Variants in RBFOX1 observed in about 807,000 individuals in gnomAD.
RBFOX1 encodes RNA binding protein fox-1 homolog 1.
A neutral mutation model predicts 57.7 loss-of-function variants in RBFOX1; 8 were observed. The ratio of observed to expected loss-of-function variants is 0.14; its 90% CI spans 0.08 to 0.25. The LOEUF (loss-of-function observed/expected upper bound fraction) is 0.25. Ranked by LOEUF, RBFOX1 falls within the 10% of genes least tolerant of loss-of-function variation. RBFOX1 has a pLI of 1.00. For missense variants in RBFOX1, 611 were observed against 548.5 expected (o/e 1.11, Z -1.14); for synonymous variants, 326 against 222.4 (o/e 1.47, Z -4.15).
intron 4 of RBFOX1, among the ~76,000 whole-genome samples, chr16:5,954,140 G>T (rs2059577621): frequency 6.6e-6 from 1 of 152,192 alleles, no homozygotes; most frequent in Admixed American, 6.5e-5. Context: ...CTGAGGTTGA[G>T]AACCTCTTCC....
intron 2 of RBFOX1, among the ~76,000 whole-genome samples, chr16:6,419,627 C>T (rs1168465351): frequency 6.6e-6 from 1 of 152,138 alleles, no homozygotes; most frequent in African/African-American, 2.4e-5. Flanking sequence ...GAGATGCTTC[C>T]CTGCGTGGTG....
intron 5 of RBFOX1, among the ~76,000 whole-genome samples, chr16:7,549,956 G>T (rs1472694692): frequency 6.6e-6 from 1 of 151,998 alleles, no homozygotes; most frequent in African/African-American, 2.4e-5. Flanking sequence ...TAGAGACAGG[G>T]TTTTACTCTG....
At chr16:7,158,465 A>G (rs536651933) in intron 4 of RBFOX1, among the ~76,000 whole-genome samples, 3 of 152,110 alleles carry the variant, frequency 2.0e-5, no homozygotes, top group Non-Finnish European at 2.9e-5. Context: ...CAATCTCCTG[A>G]CCTTTTTCAG....
chr16:6,201,612 G>C (rs941238089), intron 1 of RBFOX1, among the ~76,000 whole-genome samples: 1 of 152,072 alleles, frequency 6.6e-6, no homozygotes. Flanking sequence ...TGTCATAATA[G>C]GGTGAGTATA....
intron 2 of RBFOX1, among the ~76,000 whole-genome samples, chr16:6,331,827 T>C (rs1316060202): frequency 6.6e-6 from 1 of 152,080 alleles, no homozygotes; most frequent in African/African-American, 2.4e-5. Flanking sequence ...AAATAGTTTC[T>C]TCTTCCCCTA....
At chr16:6,749,948 T>A (rs960281370) in intron 3 of RBFOX1, among the ~76,000 whole-genome samples, 1 of 152,162 alleles carries the variant, frequency 6.6e-6, no homozygotes, top group Non-Finnish European at 1.5e-5. Context: ...GTGTTCAGAG[T>A]TAGTAGGCAC....
intron 4 of RBFOX1, among the ~76,000 whole-genome samples, chr16:5,923,288 G>A (rs945488835): frequency 6.6e-6 from 1 of 152,140 alleles, no homozygotes; most frequent in African/African-American, 2.4e-5. Context: ...AGAATGCTAT[G>A]GCTGTGTGAT....
At chr16:7,695,924 T>C (rs376898329) in intron 14 of RBFOX1, among the ~76,000 whole-genome samples, 3 of 152,266 alleles carry the variant, frequency 2.0e-5, no homozygotes, top group South Asian at 4.2e-4. Flanking sequence ...TTGATGCCCA[T>C]GGTGGATGGG....
chr16:7,029,342 T>G (rs1373871563), intron 3 of RBFOX1, among the ~76,000 whole-genome samples: 1 of 148,504 alleles, frequency 6.7e-6, no homozygotes, highest in Non-Finnish European at 1.5e-5. Flanking sequence ...CCAGAAGAGA[T>G]TGGAAAGCTC....
intron 4 of RBFOX1, among the ~76,000 whole-genome samples, chr16:7,201,173 T>A (rs1337736639): frequency 6.6e-6 from 1 of 152,158 alleles, no homozygotes; most frequent in East Asian, 1.9e-4. Flanking sequence ...GAGAAAGACC[T>A]CTCTGAGGTT....
chr16:5,272,027 C>T (rs1278634422), intron 1 of RBFOX1, among the ~76,000 whole-genome samples: 1 of 152,144 alleles, frequency 6.6e-6, no homozygotes, highest in East Asian at 1.9e-4. Context: ...GATTCTATAT[C>T]TTGGGTATTG....
intron 14 of RBFOX1, among the ~76,000 whole-genome samples, chr16:7,699,672 G>T (rs543959655): frequency 2.3e-4 from 35 of 152,206 alleles, no homozygotes; most frequent in African/African-American, 8.4e-4. Flanking sequence ...ATCAATAATT[G>T]TGAGTTACAC....
At chr16:6,521,826 C>T (rs1446616669) in intron 2 of RBFOX1, among the ~76,000 whole-genome samples, 1 of 152,092 alleles carries the variant, frequency 6.6e-6, no homozygotes, top group Non-Finnish European at 1.5e-5. Context: ...ATCCTCATGT[C>T]TAAAAATGGA....
intron 2 of RBFOX1, among the ~76,000 whole-genome samples, chr16:6,635,570 A>G (rs1489108311): frequency 6.6e-6 from 1 of 152,140 alleles, no homozygotes; most frequent in Admixed American, 6.6e-5. Flanking sequence ...AGAGGTATCA[A>G]TAAAAAGGTT....
intron 1 of RBFOX1, among the ~76,000 whole-genome samples, chr16:6,219,123 C>G (rs112302085): frequency 6.6e-6 from 1 of 152,142 alleles, no homozygotes; most frequent in Admixed American, 6.5e-5. Context: ...AGGTCACAAT[C>G]TGTGGTTGGT....
intron 2 of RBFOX1, among the ~76,000 whole-genome samples, chr16:6,462,082 T>C (rs1567330793): frequency 1.3e-5 from 2 of 152,206 alleles, no homozygotes; most frequent in Non-Finnish European, 2.9e-5. Context: ...TAATGGACAG[T>C]TCCAGAGACA....
intron 4 of RBFOX1, among the ~76,000 whole-genome samples, chr16:7,114,343 G>A (rs1324910656): frequency 1.3e-5 from 2 of 152,144 alleles, no homozygotes; most frequent in South Asian, 4.1e-4. Flanking sequence ...TTTTGCTATG[G>A]AGGTCCAAGG....
intron 6 of RBFOX1, among the ~76,000 whole-genome samples, chr16:7,585,743 T>C (rs2094079790): frequency 6.6e-6 from 1 of 152,228 alleles, no homozygotes; most frequent in Non-Finnish European, 1.5e-5. Context: ...TCTTTGTCCA[T>C]TCCAGAGGAT....
intron 1 of RBFOX1, among the ~76,000 whole-genome samples, chr16:5,332,028 G>A (rs1299292966): frequency 6.6e-6 from 1 of 152,194 alleles, no homozygotes; most frequent in Non-Finnish European, 1.5e-5. Context: ...CCTAAAAGTA[G>A]ACTCACGTCA....
Sources: gnomAD v4.1 joint callset for allele counts (sites outside exome capture counted in the v4.1 genomes callset) on GRCh38, gnomAD v4.1.1 for gene constraint, MANE v1.5 for transcripts, NCBI Gene and HGNC (gene_info 2026-07-23, HGNC 2026-07-21) for gene names.